Variants in TTC6 observed in about 807,000 individuals in gnomAD.
TTC6 encodes the protein tetratricopeptide repeat domain 6.
In TTC6, 172 loss-of-function variants were observed where a neutral mutation model predicts 210.4. The observed-to-expected ratio is 0.82, with a 90% CI of 0.72 to 0.93. TTC6 has a LOEUF of 0.93. Among genes scored for constraint, TTC6 ranks in the 40% least tolerant of loss-of-function variants. TTC6 has a pLI of 0.00. For missense variants in TTC6, 2,414 were observed against 2,318.1 expected, an observed-to-expected ratio of 1.04 and a Z score of -0.85; for synonymous variants, 804 against 819.6, an observed-to-expected ratio of 0.98 and a Z score of 0.32.
At chr14:37,691,429 G>C (rs532634067) in intron 3 of TTC6, among the ~76,000 whole-genome samples, 91 of 152,144 alleles carry the variant, frequency 6.0e-4, no homozygotes, top group Non-Finnish European at 1.2e-3. Context: ...ATTAAACAAT[G>C]TGCTTCTGAA....
intron 1 of TTC6, among the ~76,000 whole-genome samples, chr14:37,639,047 A>G (rs954934623): frequency 6.6e-6 from 1 of 152,226 alleles, no homozygotes; most frequent in Non-Finnish European, 1.5e-5. Context: ...AACATACTAT[A>G]CATATTATTC....
intron 29 of TTC6, among the ~76,000 whole-genome samples, chr14:37,835,297 T>A (rs530756875): frequency 5.8e-4 from 89 of 152,354 alleles, no homozygotes; most frequent in African/African-American, 1.9e-3. Flanking sequence ...GTGATTTTTT[T>A]AATTGTCTTT....
chr14:37,686,219 A>C (rs565422721), intron 3 of TTC6, among the ~76,000 whole-genome samples: 2 of 152,314 alleles, frequency 1.3e-5, no homozygotes, highest in African/African-American at 4.8e-5. Context: ...AATGAGGATA[A>C]TGACAGTGCC....
intron 7 of TTC6, among the ~76,000 whole-genome samples, chr14:37,733,880 G>A (rs1998425): frequency 0.62 from 93,838 of 151,712 alleles, 30,485 homozygotes; most frequent in East Asian, 0.89. Context: ...CTTCTAACCT[G>A]TATTATAGGT....
At chr14:37,622,181 G>A (rs2095652143) in exon 1 of TTC6, 1 of 1,535,584 alleles carries the variant, frequency 6.5e-7, no homozygotes, top group African/African-American at 1.4e-5. Context: ...TCAAGCAGAA[G>A]TTGGCCTCCA....
intron 14 of TTC6, among the ~76,000 whole-genome samples, chr14:37,760,505 T>A (rs1288435799): frequency 6.6e-6 from 1 of 152,188 alleles, no homozygotes; most frequent in Non-Finnish European, 1.5e-5. Context: ...AGGCAGTCTG[T>A]CCCTTAGCAG....
intron 2 of TTC6, among the ~76,000 whole-genome samples, chr14:37,613,153 T>A (rs2139259654): frequency 1.3e-5 from 2 of 152,254 alleles, no homozygotes; most frequent in South Asian, 4.1e-4. Flanking sequence ...TGATTCACAG[T>A]TTGCCTAGAG....
intron 5 of TTC6, among the ~76,000 whole-genome samples, chr14:37,707,802 C>T (rs1157457543): frequency 2.6e-5 from 4 of 151,986 alleles, no homozygotes; most frequent in African/African-American, 4.8e-5. Flanking sequence ...TTTCTGGCTA[C>T]CCAAAGTTAA....
chr14:37,738,903 A>T, exon 10 of TTC6: 1 of 1,535,406 alleles, frequency 6.5e-7, no homozygotes, highest in Non-Finnish European at 8.7e-7. Flanking sequence ...CGTCAGCTCC[A>T]GCTCACTAAG....
intron 2 of TTC6, among the ~76,000 whole-genome samples, chr14:37,682,153 TA>T: frequency 1.6e-4 from 1 of 6,438 alleles, no homozygotes; most frequent in East Asian, 5.2e-3. Context: ...GTCGAACCAC[TA>T]ATTTTTTTTT....
chr14:37,699,732 A>G (rs920567268), intron 4 of TTC6, among the ~76,000 whole-genome samples: 1 of 152,158 alleles, frequency 6.6e-6, no homozygotes, highest in African/African-American at 2.4e-5. Context: ...GGAGAAACTC[A>G]GTTTTGCATT....
At chr14:37,767,011 C>A (rs1427242651) in intron 14 of TTC6, among the ~76,000 whole-genome samples, 2 of 152,058 alleles carry the variant, frequency 1.3e-5, no homozygotes, top group Non-Finnish European at 2.9e-5. Flanking sequence ...CATGTGATCT[C>A]ATTGTTCAAT....
At chr14:37,823,351 T>C (rs562949313) in intron 26 of TTC6, among the ~76,000 whole-genome samples, 1 of 152,320 alleles carries the variant, frequency 6.6e-6, no homozygotes, top group African/African-American at 2.4e-5. Context: ...ATTAAATACA[T>C]ATAAATAAGT....
intron 24 of TTC6, among the ~76,000 whole-genome samples, chr14:37,809,614 C>T (rs532870485): frequency 2.6e-5 from 4 of 152,086 alleles, no homozygotes; most frequent in African/African-American, 4.8e-5. Context: ...TTTGTTTGGT[C>T]CTCAGACCAC....
At chr14:37,789,371 C>G (rs545650432) in intron 15 of TTC6, among the ~76,000 whole-genome samples, 5 of 151,866 alleles carry the variant, frequency 3.3e-5, no homozygotes, top group African/African-American at 1.2e-4. Flanking sequence ...AGCAGCCACC[C>G]AAACTGCAGC....
At chr14:37,842,227 T>C (rs533697532) in exon 31 of TTC6, 35 of 1,610,464 alleles carry the variant, frequency 2.2e-5, no homozygotes, top group African/African-American at 8.0e-5. Context: ...ATAGGTCTGA[T>C]TGAGGAAGCT....
intron 6 of TTC6, among the ~76,000 whole-genome samples, chr14:37,718,390 C>T (rs536402385): frequency 6.6e-6 from 1 of 152,054 alleles, no homozygotes; most frequent in Non-Finnish European, 1.5e-5. Context: ...TAAAAATTTT[C>T]AGAAAAGTAG....
chr14:37,632,690 G>A (rs1359816874), intron 1 of TTC6, among the ~76,000 whole-genome samples: 6 of 152,222 alleles, frequency 3.9e-5, no homozygotes, highest in African/African-American at 1.4e-4. Context: ...CAGGAAGGAA[G>A]GTTTAAGTCT....
chr14:37,641,818 G>A (rs1325168006), intron 1 of TTC6, among the ~76,000 whole-genome samples: 2 of 152,028 alleles, frequency 1.3e-5, no homozygotes, highest in African/African-American at 2.4e-5. Context: ...CTAAAATAGT[G>A]TCTAGAGCTG....
Sources: allele counts gnomAD v4.1 joint callset (sites outside exome capture counted in the v4.1 genomes callset), GRCh38; gene constraint gnomAD v4.1.1; transcripts MANE v1.5; gene names NCBI Gene and HGNC (gene_info 2026-07-23, HGNC 2026-07-21).